Variants in CACNB1 observed in about 807,000 individuals in gnomAD.
CACNB1 encodes the protein voltage-dependent L-type calcium channel subunit beta-1.
Under a neutral mutation model 71.6 loss-of-function variants are expected in CACNB1, and 29 were observed. That is an observed-to-expected ratio of 0.40 (90% CI 0.30 to 0.55). The LOEUF is 0.55. Among genes scored for constraint, CACNB1 ranks in the 20% least tolerant of loss-of-function variants. CACNB1 has a pLI of 0.38. For synonymous variants in CACNB1, 300 were observed against 319.6 expected (o/e 0.94, Z 0.65); for missense variants, 623 against 801.8 (o/e 0.78, Z 2.69).
chr17:39,193,085 C>T (rs2046121158), intron 2 of CACNB1: 1 of 194,196 alleles, frequency 5.1e-6, no homozygotes, highest in Non-Finnish European at 1.1e-5. Flanking sequence ...CCAACCCCAA[C>T]ACAAATGCAG....
In CACNB1 at chr17:39,175,171, C is replaced by G; in HGVS notation, c.*22G>C. The G allele has an allele frequency of 6.3e-7, 1 of 1,580,610 alleles. No homozygotes were observed. ...CTCCCCTGGGCTCAGAGCCCTTCCT[C>G]CCGCCGTGTGGCCCCTGCCTCTCAG... On this transcript the variant is annotated 3_prime_UTR_variant, in exon 14 of 14. Transcript: ENST00000394303. The surrounding 1 kb of genome is among the most constrained non-coding windows in gnomAD (Gnocchi z 4.7).
chr17:39,181,919 T>C (rs1486877319), intron 11 of CACNB1, among the ~76,000 whole-genome samples: 1 of 151,772 alleles, frequency 6.6e-6, no homozygotes, highest in East Asian at 1.9e-4. Context: ...TCCTAGAACT[T>C]TGGGAGGCCG....
chr17:39,195,959 C>G (rs2046193303), intron 1 of CACNB1, among the ~76,000 whole-genome samples: 1 of 152,182 alleles, frequency 6.6e-6, no homozygotes, highest in Non-Finnish European at 1.5e-5. Flanking sequence ...TTAAGGGCGT[C>G]AGGTATTTCC....
At chr17:39,179,937 G>C (rs1482457685) in intron 11 of CACNB1, among the ~76,000 whole-genome samples, 1 of 151,168 alleles carries the variant, frequency 6.6e-6, no homozygotes, top group East Asian at 2.0e-4. Flanking sequence ...GTGATCCTGG[G>C]TTGGTTCCTG....
At chr17:39,192,783 C>T (rs1231720959) in intron 2 of CACNB1, 1 of 152,226 alleles carries the variant, frequency 6.6e-6, no homozygotes, top group Non-Finnish European at 1.5e-5. Context: ...CCCACCTCTC[C>T]CCAGGGGCCT....
intron 2 of CACNB1, chr17:39,193,642 A>C: frequency 3.8e-6 from 1 of 266,056 alleles, no homozygotes; most frequent in Non-Finnish European, 7.6e-6. Context: ...ACTCCCCACC[A>C]CCTACCGGGG....
At position 39,180,080 on chromosome 17, in the gene CACNB1, C is replaced by T. The variant is rs1167280711; in HGVS notation, c.1051-2001G>A. ...AGGAGTTCGAGACCAGCCAGGCCAA[C>T]ATGGCAAAACCCCGTCTCTACTGAA... On this transcript the variant is annotated intron_variant, in intron 11 of 13. Coordinates refer to ENST00000394303, the MANE Select transcript of CACNB1 (RefSeq NM_000723.5). 3.9e-5 allele frequency among the ~76,000 whole-genome samples: 6 copies of T among 151,904 alleles called. No homozygotes were observed. In the East Asian group the frequency reaches 1.2e-3, roughly 30 times the overall value.
intron 2 of CACNB1, chr17:39,193,554 A>G (rs1482787378): frequency 2.4e-5 from 10 of 416,248 alleles, no homozygotes; most frequent in South Asian, 1.5e-4. Flanking sequence ...GGCTCGGGTT[A>G]CAAGCAGAGT....
Position 39,177,095 on chromosome 17 carries a change from C to G in CACNB1, c.1332+255G>C, listed in dbSNP as rs1597680104. 3 of 1,395,334 alleles carry G rather than the reference C, an allele frequency of 2.2e-6. No homozygotes were observed. In the East Asian group the frequency reaches 7.8e-5, roughly 36 times the overall value. 86.4% of individuals were successfully genotyped at this position (1,395,334 alleles called of 1,614,324 possible). The stretch of plus-strand genomic sequence containing the variant: ...GGCACCAGGCCCAGGAAGACAGCAC[C>G]AGAAGCCCCAGACCCATCAAAAACC... On this transcript the variant is annotated intron_variant, in intron 13 of 13. Coordinates refer to ENST00000394303, the MANE Select transcript of CACNB1 (RefSeq NM_000723.5).
Position 39,178,730 on chromosome 17 carries a change from G to C in CACNB1, c.1051-651C>G, listed in dbSNP as rs2045661669. ...CAACAACAACAGTCTTCCTTTATGG[G>C]GCACTTGCTACATACCAGCATTGTT... On this transcript the variant is annotated intron_variant, in intron 11 of 13. Coordinates refer to ENST00000394303, the MANE Select transcript of CACNB1 (RefSeq NM_000723.5). Among the ~76,000 whole-genome samples, 5 of 152,098 alleles carry C rather than the reference G, an allele frequency of 3.3e-5. No individual in the cohort carries two copies. The South Asian group carries it at 1.0e-3, about 32-fold the overall frequency.
chr17:39,187,313 A>AT, intron 4 of CACNB1, 166 bp downstream of exon 4: 2 of 796,010 alleles, frequency 2.5e-6, no homozygotes, highest in Non-Finnish European at 3.9e-6. Context: ...TTACCACCTC[A>AT]TTTTTCCAGT....
intron 12 of CACNB1, among the ~76,000 whole-genome samples, 198 bp from the exon 13 acceptor site, chr17:39,177,733 A>C (rs1567791519): frequency 6.6e-6 from 1 of 152,120 alleles, no homozygotes; most frequent in Non-Finnish European, 1.5e-5. Flanking sequence ...CACTCAGTCC[A>C]ACTCCCTCAT....
intron 7 of CACNB1, 54 bp downstream of exon 7, chr17:39,185,077 C>G: frequency 6.4e-7 from 1 of 1,555,740 alleles, no homozygotes; most frequent in Non-Finnish European, 8.9e-7. Flanking sequence ...TAGAAGGTCC[C>G]CCTAGCTCAT....
Position 39,194,115 on chromosome 17 carries a change from C to T in CACNB1, c.171+769G>A, listed in dbSNP as rs1459569198. Reference sequence around the variant, plus strand: ...TCTTCAATACACGCCTTTTCCTTGTCTAATCCCAAGCCCCTCTCGCCTTTT... The same window carrying T: ...TCTTCAATACACGCCTTTTCCTTGTTTAATCCCAAGCCCCTCTCGCCTTTT... On this transcript the variant is annotated intron_variant, in intron 2 of 13. Coordinates refer to ENST00000394303, the MANE Select transcript of CACNB1 (RefSeq NM_000723.5). This position sits in a 1 kb window ranked among gnomAD's most constrained non-coding sequence, Gnocchi z 4.6. Among the ~76,000 whole-genome samples, 3 of 152,130 alleles carry T rather than the reference C, an allele frequency of 2.0e-5. No homozygotes were observed. Among genetic ancestry groups the T allele is most frequent in the Non-Finnish European group, 4.4e-5 (3 of 68,030 alleles).
rs543380747 is a variant in CACNB1, at chr17:39,190,902, A to G, written c.291+572T>C. 5.3e-5 allele frequency among the ~76,000 whole-genome samples: 8 copies of G among 152,190 alleles called. No individual in the cohort carries two copies. The East Asian group carries it at 1.6e-3, about 30-fold the overall frequency. On this transcript the variant is annotated intron_variant, in intron 3 of 13. Coordinates refer to ENST00000394303, the MANE Select transcript of CACNB1 (RefSeq NM_000723.5). ...TAATGTGACTTTCCTAAGATCACAC[A>G]GCTATTAAGAGTCAGGACCAGGTCA...
In CACNB1 at chr17:39,191,533, G is replaced by A. The variant is rs759986239; in HGVS notation, c.232C>T (p.Arg78Trp). ...SDSDVSLEED[R>W]EALRKEAERQ... ...TCTGCTTCCTTCCTTAAGGCTTCCC[G>A]GTCCTCCTCCAGAGATACATCAGAG... is the stretch of plus-strand genomic sequence containing the variant. Residue 78 changes from arginine to tryptophan, a missense_variant, in exon 3 of 14, where the codon CGG (arginine) becomes TGG (tryptophan). Transcript: ENST00000394303. 9 of 1,609,922 alleles carry A rather than the reference G, an allele frequency of 5.6e-6. No homozygotes were observed. Among genetic ancestry groups the A allele is most frequent in the East Asian group, 2.2e-5 (1 of 44,538 alleles).
chr17:39,195,357 G>C (rs1398914540), intron 1 of CACNB1: 1 of 179,496 alleles, frequency 5.6e-6, no homozygotes, highest in Non-Finnish European at 1.2e-5. Context: ...GCAGTGCTGG[G>C]TGTTGGGTGG....
Position 39,177,529 on chromosome 17 carries a change from A to G in CACNB1, c.1153T>C (p.Phe385Leu). 6.3e-7 allele frequency: 1 copy of G among 1,587,142 alleles called. No homozygotes were observed. Among genetic ancestry groups the G allele is most frequent in the Non-Finnish European group, 8.6e-7 (1 of 1,162,830 alleles). Residue 385 changes from phenylalanine to leucine, a missense_variant, in exon 13 of 14, where the codon TTT becomes CTT. Phe to Leu is a conservative substitution (Grantham distance 22). Coordinates refer to ENST00000394303, the MANE Select transcript of CACNB1 (RefSeq NM_000723.5). Reference sequence around the variant, plus strand: ...TGGTTCTCATCCAGGATGATGTCAAACATTTCCTGTGAAGGCGGGGTTAGG... The same window carrying G: ...TGGTTCTCATCCAGGATGATGTCAAGCATTTCCTGTGAAGGCGGGGTTAGG... ...EKLAQCPPEM[F>L]DIILDENQLE...
rs139844969 is a variant in CACNB1 at position 39,187,540 on chromosome 17, T to C, written c.353A>G (p.Glu118Gly). The change falls in exon 4 of 14, where the codon GAG becomes GGG. Residue 118 changes from glutamate (E) to glycine (G), a missense_variant. Transcript: ENST00000394303. ...GATGGCCACTCCCTGCACAGGCACC[T>C]CATCCCCTGGAGACGGATTGTAGCC... ...NVGYNPSPGD[E>G]VPVQGVAITF... is the part of the protein sequence containing the mutation. 15 of 1,614,146 alleles carry C rather than the reference T, an allele frequency of 9.3e-6. No homozygotes were observed. In the African/African-American group the frequency reaches 1.5e-4, roughly 16 times the overall value.
Sources: allele counts gnomAD v4.1 joint callset (sites outside exome capture counted in the v4.1 genomes callset), GRCh38; gene constraint gnomAD v4.1.1; non-coding constraint Gnocchi (gnomAD v3.1); transcripts MANE v1.5; gene names NCBI Gene and HGNC (gene_info 2026-07-23, HGNC 2026-07-21).